ACBD6: variants seen among roughly 807,000 people sequenced by gnomAD.
The protein encoded by ACBD6 is acyl-CoA-binding domain-containing protein 6.
ACBD6 carries 28 observed loss-of-function variants against 37.2 expected under a neutral mutation model. The ratio of observed to expected loss-of-function variants is 0.75; its 90% CI spans 0.56 to 1.03. The LOEUF (loss-of-function observed/expected upper bound fraction) is 1.03. Among genes scored for constraint, ACBD6 ranks in the 50% least tolerant of loss-of-function variants. The pLI is 0.00. For synonymous variants in ACBD6, 113 were observed against 126.8 expected (o/e 0.89, Z 0.73); for missense variants, 340 against 337.4 (o/e 1.01, Z -0.06).
At chr1:180,313,501 T>C (rs1469155278) in intron 7 of ACBD6, among the ~76,000 whole-genome samples, 1 of 152,202 alleles carries the variant, frequency 6.6e-6, no homozygotes, top group Non-Finnish European at 1.5e-5. Context: ...ATTTTTTAGC[T>C]TGGGATTTTT....
chr1:180,368,091 G>A (rs1354380811), intron 6 of ACBD6, among the ~76,000 whole-genome samples: 1 of 152,138 alleles, frequency 6.6e-6, no homozygotes, highest in Non-Finnish European at 1.5e-5. Flanking sequence ...ATTCTGACTT[G>A]TGTGAGACGG....
At chr1:180,428,955 A>G (rs1648706243) in intron 4 of ACBD6, among the ~76,000 whole-genome samples, 1 of 152,166 alleles carries the variant, frequency 6.6e-6, no homozygotes, top group Admixed American at 6.5e-5. Flanking sequence ...GGCTAACTCT[A>G]CATAAGCAAT....
chr1:180,413,846 T>C (rs1181127544), intron 4 of ACBD6, among the ~76,000 whole-genome samples: 2 of 152,168 alleles, frequency 1.3e-5, no homozygotes, highest in African/African-American at 4.8e-5. Context: ...GCATACTACA[T>C]ACCCAGCACT....
At chr1:180,485,004 G>A (rs918348854) in intron 3 of ACBD6, among the ~76,000 whole-genome samples, 1 of 151,728 alleles carries the variant, frequency 6.6e-6, no homozygotes, top group African/African-American at 2.4e-5. Flanking sequence ...CGGAAGGCGG[G>A]GGTTGCAGTG....
At chr1:180,420,717 G>C (rs921740693) in intron 4 of ACBD6, among the ~76,000 whole-genome samples, 1 of 152,162 alleles carries the variant, frequency 6.6e-6, no homozygotes, top group African/African-American at 2.4e-5. Flanking sequence ...CCAGAAAAAG[G>C]GTTCTCATTG....
intron 3 of ACBD6, among the ~76,000 whole-genome samples, chr1:180,464,388 C>T (rs1650269350): frequency 6.6e-6 from 1 of 152,108 alleles, no homozygotes. Context: ...TTCCTATACA[C>T]CACCACCAAC....
At chr1:180,406,428 T>C (rs1340272016) in intron 5 of ACBD6, among the ~76,000 whole-genome samples, 1 of 152,090 alleles carries the variant, frequency 6.6e-6, no homozygotes, top group Non-Finnish European at 1.5e-5. Flanking sequence ...CCTGTAGTAA[T>C]TACAACTTAA....
At chr1:180,406,752 C>T (rs1647645228) in intron 5 of ACBD6, among the ~76,000 whole-genome samples, 1 of 151,988 alleles carries the variant, frequency 6.6e-6, no homozygotes, top group Non-Finnish European at 1.5e-5. Context: ...TAGGTTGAAC[C>T]TGCTGAATTA....
chr1:180,454,184 C>A (rs1463343311), intron 3 of ACBD6, among the ~76,000 whole-genome samples: 1 of 152,092 alleles, frequency 6.6e-6, no homozygotes, highest in African/African-American at 2.4e-5. Flanking sequence ...GAGAGACAGA[C>A]CAATGAAACA....
chr1:180,479,411 T>C (rs10914007), intron 3 of ACBD6, among the ~76,000 whole-genome samples: 19,390 of 152,164 alleles, frequency 0.13, 1,808 homozygotes, highest in East Asian at 0.37. Context: ...AAATATCACT[T>C]GTTCTCATTT....
chr1:180,406,696 C>T (rs1647643593), intron 5 of ACBD6, among the ~76,000 whole-genome samples: 1 of 151,960 alleles, frequency 6.6e-6, no homozygotes, highest in African/African-American at 2.4e-5. Context: ...TTTATGTGCT[C>T]ACAGCAAATT....
chr1:180,271,196 C>T, exon 14 of ACBD6: 1 of 679,746 alleles, frequency 1.5e-6, no homozygotes, highest in Non-Finnish European at 2.7e-6. Flanking sequence ...CTTGGGAAGG[C>T]CCGTGGTGCA....
At chr1:180,399,394 T>C (rs921349968) in intron 5 of ACBD6, among the ~76,000 whole-genome samples, 1 of 152,110 alleles carries the variant, frequency 6.6e-6, no homozygotes, top group Non-Finnish European at 1.5e-5. Context: ...GCCTCCCAAA[T>C]AGCTGGGATT....
intron 3 of ACBD6, among the ~76,000 whole-genome samples, chr1:180,450,935 C>A (rs1038429681): frequency 1.3e-5 from 2 of 152,094 alleles, no homozygotes. Flanking sequence ...TGGAGTTCTT[C>A]AAAAATTGGG....
intron 4 of ACBD6, among the ~76,000 whole-genome samples, chr1:180,424,780 CAGAG>C (rs543186528): frequency 6.6e-6 from 1 of 152,012 alleles, no homozygotes; most frequent in Non-Finnish European, 1.5e-5. Flanking sequence ...AAGAAGAAAA[CAGAG>C]AGGAAGAAAA....
intron 6 of ACBD6, among the ~76,000 whole-genome samples, chr1:180,322,662 T>C (rs1004189867): frequency 2.6e-5 from 4 of 151,824 alleles, no homozygotes; most frequent in Non-Finnish European, 5.9e-5. Flanking sequence ...CTCACAGTAG[T>C]CACTTAATGA....
rs764600619 is a variant in ACBD6, at chr1:180,288,330, G to A, written c.*33C>T. The A allele has an allele frequency of 1.6e-5, 26 of 1,613,068 alleles. No homozygotes were observed. The highest frequency in any genetic ancestry group is 1.8e-4 in the Middle Eastern group (1 of 5,584). On this transcript the variant is annotated 3_prime_UTR_variant, in exon 8 of 8. Transcript: ENST00000367595. ...TTTTCTTTCATAATGGAAGCCTTATGCTATTACAGACTGCAGTTTTCCAGT... is the reference window on the plus strand; with the variant it reads ...TTTTCTTTCATAATGGAAGCCTTATACTATTACAGACTGCAGTTTTCCAGT...
intron 3 of ACBD6, among the ~76,000 whole-genome samples, chr1:180,452,880 T>C (rs1451211787): frequency 6.6e-6 from 1 of 152,168 alleles, no homozygotes; most frequent in East Asian, 1.9e-4. Context: ...GTCGAATCCC[T>C]GAATAGACCA....
intron 5 of ACBD6, among the ~76,000 whole-genome samples, chr1:180,409,240 C>T (rs777556286): frequency 1.3e-5 from 2 of 152,008 alleles, no homozygotes; most frequent in Non-Finnish European, 2.9e-5. Flanking sequence ...CTAATAGTAA[C>T]ATTTGATTTT....
Sources: allele counts gnomAD v4.1 joint callset (sites outside exome capture counted in the v4.1 genomes callset), GRCh38; gene constraint gnomAD v4.1.1; transcripts MANE v1.5; gene names NCBI Gene and HGNC (gene_info 2026-07-23, HGNC 2026-07-21).